Variants in OSBPL1A observed in about 807,000 individuals in gnomAD.
The protein encoded by OSBPL1A is oxysterol binding protein like 1A.
Under a neutral mutation model 137.1 loss-of-function variants are expected in OSBPL1A, and 80 were observed. The ratio of observed to expected loss-of-function variants is 0.58; its 90% confidence interval spans 0.49 to 0.70. The LOEUF is 0.70. Ranked by LOEUF, OSBPL1A falls within the 30% of genes least tolerant of loss-of-function variation. OSBPL1A has a pLI of 0.00. For synonymous variants in OSBPL1A, 365 were observed against 389.7 expected, an observed-to-expected ratio of 0.94 and a Z score of 0.75; for missense variants, 970 against 1,129.4, an observed-to-expected ratio of 0.86 and a Z score of 2.02.
At chr18:24,334,671 A>G (rs2091141133) in intron 5 of OSBPL1A, among the ~76,000 whole-genome samples, 1 of 152,228 alleles carries the variant, frequency 6.6e-6, no homozygotes, top group Non-Finnish European at 1.5e-5. Context: ...GAACCTTAGA[A>G]TGTGAAAAAT....
intron 17 of OSBPL1A, among the ~76,000 whole-genome samples, chr18:24,218,638 G>T (rs2087785440): frequency 6.6e-6 from 1 of 151,728 alleles, no homozygotes; most frequent in Admixed American, 6.6e-5. Context: ...AGAGACGGGG[G>T]TTTCACTATG....
At chr18:24,319,765 C>T (rs2146123305) in intron 7 of OSBPL1A, among the ~76,000 whole-genome samples, 1 of 152,190 alleles carries the variant, frequency 6.6e-6, no homozygotes, top group South Asian at 2.1e-4. Flanking sequence ...TGAAAGCTAC[C>T]TATGAAAATT....
chr18:24,165,648 G>A (rs1197247156), intron 26 of OSBPL1A, among the ~76,000 whole-genome samples: 1 of 152,178 alleles, frequency 6.6e-6, no homozygotes, highest in East Asian at 1.9e-4. Context: ...TGCCTAGTGT[G>A]GGAGAGGATG....
rs538594789 is a variant in OSBPL1A at position 24,167,747 on chromosome 18, G to A, written c.2419-302C>T. Among the ~76,000 whole-genome samples the A allele has an allele frequency of 2.6e-3, 401 of 152,330 alleles. 3 individuals are homozygous for A. Among genetic ancestry groups the A allele is most frequent in the South Asian group, 0.015 (73 of 4,822 alleles). ...TGTGTAAGTACACTGTATGAGGTTCGCGCAATGATGAAATCACCTAATGAT... is the reference window on the plus strand; with the variant it reads ...TGTGTAAGTACACTGTATGAGGTTCACGCAATGATGAAATCACCTAATGAT... On this transcript the variant is annotated intron_variant, in intron 24 of 27. Coordinates refer to ENST00000319481, the MANE Select transcript of OSBPL1A (RefSeq NM_080597.4).
chr18:24,179,604 C>G, intron 20 of OSBPL1A, 134 bp downstream of exon 20: 2 of 683,536 alleles, frequency 2.9e-6, no homozygotes, highest in Non-Finnish European at 5.0e-6. Context: ...AAAATAATAG[C>G]TATCCTAGAA....
chr18:24,395,823 T>C (rs1907697662), intron 1 of OSBPL1A, among the ~76,000 whole-genome samples: 1 of 151,174 alleles, frequency 6.6e-6, no homozygotes, highest in African/African-American at 2.4e-5. Flanking sequence ...GGTTTCATCA[T>C]TTTGGCCAGG....
At chr18:24,175,114 A>ATATATATATG (rs1555625043) in intron 21 of OSBPL1A, among the ~76,000 whole-genome samples, 15 of 30,320 alleles carry the variant, frequency 4.9e-4, no homozygotes, top group African/African-American at 9.4e-4. Flanking sequence ...GTATGTATAT[A>ATATATATATG]TATATATATA....
At chr18:24,182,598 GCAAT>G (rs1459254538) in intron 18 of OSBPL1A, among the ~76,000 whole-genome samples, 1 of 152,042 alleles carries the variant, frequency 6.6e-6, no homozygotes, top group African/African-American at 2.4e-5. Flanking sequence ...AAACTGGAGC[GCAAT>G]CAAAGAAAAT....
rs1275496682 is a variant in OSBPL1A, at chr18:24,165,095, C to G, written c.2720G>C (p.Arg907Thr). Residue 907 changes from arginine (R) to threonine (T), a missense_variant, in exon 27 of 28, where the codon AGG becomes ACG. Arg to Thr is a moderately conservative substitution (Grantham distance 71). Around this residue, in one of 2 missense-constraint regions of OSBPL1A, gnomAD observed 323 missense variants for 456.8 expected, o/e 0.71. Coordinates refer to ENST00000319481, the MANE Select transcript of OSBPL1A (RefSeq NM_080597.4). ...EEKQRAARKN[R>T]SKSEEDWKTR... ...CTTCCAGTCCTCTTCTGACTTGGAC[C>G]TGTTTTTGCGGGCTGCTCTTTGTTT... is the stretch of plus-strand genomic sequence containing the variant. The G allele has an allele frequency of 6.2e-7, 1 of 1,614,166 alleles. No homozygotes were observed. The highest frequency in any genetic ancestry group is 8.5e-7 in the Non-Finnish European group (1 of 1,180,020).
At chr18:24,252,140 G>T (rs938115864) in intron 15 of OSBPL1A, among the ~76,000 whole-genome samples, 1 of 152,030 alleles carries the variant, frequency 6.6e-6, no homozygotes, top group African/African-American at 2.4e-5. Flanking sequence ...GAGAAAGAGG[G>T]GTAGAAAGTT....
intron 14 of OSBPL1A, among the ~76,000 whole-genome samples, chr18:24,295,159 T>C (rs979382891): frequency 6.6e-6 from 1 of 152,232 alleles, no homozygotes; most frequent in Non-Finnish European, 1.5e-5. Flanking sequence ...ATTTCCATGA[T>C]GATTAGTGCT....
At chr18:24,227,672 C>T (rs903612121) in intron 16 of OSBPL1A, among the ~76,000 whole-genome samples, 10 of 151,840 alleles carry the variant, frequency 6.6e-5, no homozygotes, top group African/African-American at 2.4e-4. Flanking sequence ...GGTGCTCGGG[C>T]GGAGGTGAGA....
chr18:24,359,694 A>AT (rs139681788), intron 4 of OSBPL1A, among the ~76,000 whole-genome samples: 9,994 of 152,138 alleles, frequency 0.066, 399 homozygotes, highest in Middle Eastern at 0.095. Flanking sequence ...ATAAATAAAA[A>AT]TTAAAAAAAA....
At chr18:24,223,648 T>C (rs1162709033) in intron 17 of OSBPL1A, among the ~76,000 whole-genome samples, 1 of 152,180 alleles carries the variant, frequency 6.6e-6, no homozygotes, top group Non-Finnish European at 1.5e-5. Flanking sequence ...GAATATGGTA[T>C]AATATAATTC....
At chr18:24,170,506 G>A (rs2086250355) in intron 23 of OSBPL1A, 53 bp from the exon 24 acceptor site, 1 of 1,608,648 alleles carries the variant, frequency 6.2e-7, no homozygotes, top group East Asian at 2.2e-5. Flanking sequence ...TTTTTTTAAA[G>A]CCGACAGCAC....
Position 24,346,909 on chromosome 18 carries a change from T to C in OSBPL1A, c.283-5251A>G, listed in dbSNP as rs543025792. Among the ~76,000 whole-genome samples, 5 of 16,326 alleles carry C rather than the reference T, an allele frequency of 3.1e-4. No homozygotes were observed. The South Asian group carries it at 7.9e-3, about 26-fold the overall frequency. 10.7% of individuals were successfully genotyped at this position (16,326 alleles called of 152,430 possible). A position where few individuals can be genotyped will look rare whatever the true frequency, so the allele number is the denominator to read the frequency against. ...AGGCACATGCCACTGTGCCTAGCTATTTTTTTTTTTTTTCATTTTTTGTAG... is the reference window on the plus strand; with the variant it reads ...AGGCACATGCCACTGTGCCTAGCTACTTTTTTTTTTTTTCATTTTTTGTAG... On this transcript the variant is annotated intron_variant, in intron 4 of 27. Coordinates refer to ENST00000319481, the MANE Select transcript of OSBPL1A (RefSeq NM_080597.4).
intron 15 of OSBPL1A, among the ~76,000 whole-genome samples, chr18:24,244,976 T>C (rs2088838102): frequency 6.6e-6 from 1 of 152,244 alleles, no homozygotes; most frequent in African/African-American, 2.4e-5. Context: ...CTGACCTTGA[T>C]GATCAGTCTT....
rs1040395673 is a variant in OSBPL1A at position 24,163,110 on chromosome 18, A to G, written c.*69T>C. The G allele has an allele frequency of 3.1e-5, 37 of 1,203,668 alleles. No homozygotes were observed. In the Middle Eastern group the frequency reaches 6.3e-4, roughly 20 times the overall value. The allele number at this position is 1,203,668 out of a possible 1,614,324, so 74.6% of individuals were successfully genotyped here. A position where few individuals can be genotyped will look rare whatever the true frequency, so the allele number is the denominator to read the frequency against. ...TTAAAAGATAAGTAGAAACCAAGGG[A>G]AAAAAATTTAAAAACATAGGTTTAA... On this transcript the variant is annotated 3_prime_UTR_variant, in exon 28 of 28. Transcript: ENST00000319481.
chr18:24,320,093 A>G (rs2090819676), intron 7 of OSBPL1A, among the ~76,000 whole-genome samples: 1 of 152,110 alleles, frequency 6.6e-6, no homozygotes, highest in African/African-American at 2.4e-5. Context: ...CTCTAAAAAC[A>G]AAAAGGGGGG....
Sources: allele counts gnomAD v4.1 joint callset (sites outside exome capture counted in the v4.1 genomes callset), GRCh38; gene constraint gnomAD v4.1.1; regional missense constraint gnomAD v4.1.1; transcripts MANE v1.5; gene names NCBI Gene and HGNC (gene_info 2026-07-23, HGNC 2026-07-21).